GNPTAB: variants seen among roughly 807,000 people sequenced by gnomAD.
GNPTAB encodes the protein N-acetylglucosamine-1-phosphate transferase subunits alpha and beta, also known as N-acetylglucosamine-1-phosphotransferase subunits alpha/beta.
In GNPTAB, 92 loss-of-function variants were observed where a neutral mutation model predicts 136.6. The ratio of observed to expected loss-of-function variants is 0.67; its 90% confidence interval spans 0.57 to 0.80. GNPTAB has a LOEUF of 0.80. Among genes scored for constraint, GNPTAB ranks in the 30% least tolerant of loss-of-function variants. GNPTAB has a pLI of 0.00. For missense variants in GNPTAB, 1,343 were observed against 1,501.8 expected, an observed-to-expected ratio of 0.89 and a Z score of 1.75; for synonymous variants, 512 against 535.1, an observed-to-expected ratio of 0.96 and a Z score of 0.60.
At chr12:101,766,780 G>C (rs993192542) in intron 11 of GNPTAB, among the ~76,000 whole-genome samples, 1 of 152,144 alleles carries the variant, frequency 6.6e-6, no homozygotes, top group African/African-American at 2.4e-5. Context: ...AACGTAAAAG[G>C]GAGTCACTTG....
chr12:101,830,788 C>G lies in GNPTAB; in HGVS notation c.-113G>C. 2.0e-6 allele frequency: 1 copy of G among 493,948 alleles called. No individual in the cohort carries two copies. Among genetic ancestry groups the G allele is most frequent in the South Asian group, 2.5e-5 (1 of 40,084 alleles). 30.6% of individuals were successfully genotyped at this position (493,948 alleles called of 1,614,324 possible). On this transcript the variant is annotated 5_prime_UTR_variant, in exon 1 of 21. Transcript: ENST00000299314. ...CGGTCGGGCCGCCGCGCGCAGGTCACAGCCTCCGGGCGCCGCTCATTGCAG... is the reference window on the plus strand; with the variant it reads ...CGGTCGGGCCGCCGCGCGCAGGTCAGAGCCTCCGGGCGCCGCTCATTGCAG...
chr12:101,770,706 G>A (rs1379201481), intron 8 of GNPTAB, 121 bp from the exon 9 acceptor site: 4 of 772,348 alleles, frequency 5.2e-6, no homozygotes, highest in Non-Finnish European at 6.7e-6. Context: ...TAAAGATGGA[G>A]TCCTAATTTT....
intron 1 of GNPTAB, among the ~76,000 whole-genome samples, chr12:101,805,989 T>C (rs1401414661): frequency 1.3e-5 from 2 of 152,150 alleles, no homozygotes; most frequent in East Asian, 3.8e-4. Flanking sequence ...ATAAATATGA[T>C]AAAGCTATTA....
chr12:101,782,484 C>T (rs1198296208), intron 5 of GNPTAB, among the ~76,000 whole-genome samples: 1 of 152,132 alleles, frequency 6.6e-6, no homozygotes, highest in Non-Finnish European at 1.5e-5. Context: ...GTTGGGTTGA[C>T]CTTCAAAATG....
chr12:101,762,405 T>C (rs1953011434), intron 13 of GNPTAB, among the ~76,000 whole-genome samples: 1 of 152,226 alleles, frequency 6.6e-6, no homozygotes, highest in Non-Finnish European at 1.5e-5. Context: ...GTATACTGTT[T>C]GTGGAAATAT....
At chr12:101,779,371 G>C (rs1009489172) in intron 7 of GNPTAB, 2 of 152,180 alleles carry the variant, frequency 1.3e-5, no homozygotes, top group Admixed American at 6.5e-5. Context: ...AGAATAGCAG[G>C]CATCTTGACG....
intron 1 of GNPTAB, among the ~76,000 whole-genome samples, chr12:101,801,229 C>A: frequency 2.2e-5 from 1 of 45,054 alleles, no homozygotes. Flanking sequence ...GAGACCCTGT[C>A]TCAAAAAAAA....
chr12:101,772,955 T>G (rs112139789), intron 7 of GNPTAB, among the ~76,000 whole-genome samples: 1,719 of 152,294 alleles, frequency 0.011, 35 homozygotes, highest in African/African-American at 0.04. Flanking sequence ...TAGCTGGGAT[T>G]ACAGGCAAGC....
chr12:101,810,396 CATATATATATATATATAT>C (rs55753015), intron 1 of GNPTAB: 1 of 134,196 alleles, frequency 7.5e-6, no homozygotes, highest in South Asian at 2.4e-4. Flanking sequence ...ACTCCAATTT[CATATATATATATATATAT>C]ATATATATAC....
intron 11 of GNPTAB, 118 bp downstream of exon 11, chr12:101,767,919 A>T: frequency 8.8e-7 from 1 of 1,141,850 alleles, no homozygotes; most frequent in Non-Finnish European, 1.3e-6. Flanking sequence ...GCCCAGCATT[A>T]CTGATTCTTT....
At chr12:101,781,964 T>A (rs1052792754) in intron 5 of GNPTAB, among the ~76,000 whole-genome samples, 1 of 152,228 alleles carries the variant, frequency 6.6e-6, no homozygotes, top group Non-Finnish European at 1.5e-5. Context: ...GGGCTAGAAC[T>A]TAACCAATTC....
At chr12:101,792,597 T>C (rs1329783978) in intron 2 of GNPTAB, among the ~76,000 whole-genome samples, 1 of 152,194 alleles carries the variant, frequency 6.6e-6, no homozygotes, top group East Asian at 1.9e-4. Flanking sequence ...GAACATTCTT[T>C]CTTTCATGCT....
chr12:101,749,282 C>T, intron 19 of GNPTAB, 91 bp from the exon 20 acceptor site: 1 of 804,872 alleles, frequency 1.2e-6, no homozygotes, highest in Non-Finnish European at 2.2e-6. Flanking sequence ...TCTATAAAAA[C>T]AATGTTGGGA....
chr12:101,786,030 AAAC>A lies in GNPTAB; in HGVS notation c.550_552del (p.Val184del), dbSNP rs771857895. 2.5e-6 allele frequency: 4 copies of A among 1,613,288 alleles called. No homozygotes were observed. The highest frequency in any genetic ancestry group is 2.2e-5 in the East Asian group (1 of 44,862). Reference sequence around the variant, plus strand: ...ATCTTACCATCCTTAGTACTGTCAAAAACAACAACTGAGACATTGGTAGAAGGG... The same window carrying A: ...ATCTTACCATCCTTAGTACTGTCAAAAACAACTGAGACATTGGTAGAAGGG... On this transcript the variant is annotated inframe_deletion, in exon 5 of 21. Transcript: ENST00000299314.
chr12:101,772,142 CTTTATCTG>C (rs1953186449), intron 7 of GNPTAB, among the ~76,000 whole-genome samples: 1 of 152,212 alleles, frequency 6.6e-6, no homozygotes, highest in African/African-American at 2.4e-5. Flanking sequence ...CCACACCACT[CTTTATCTG>C]TTTTCTGTTC....
intron 20 of GNPTAB, among the ~76,000 whole-genome samples, chr12:101,747,494 A>G (rs1314056335): frequency 6.6e-6 from 1 of 152,190 alleles, no homozygotes; most frequent in African/African-American, 2.4e-5. Context: ...ATTTCGGCCC[A>G]TGCTTCATTT....
At chr12:101,788,488 A>G (rs940178477) in intron 4 of GNPTAB, 60 bp downstream of exon 4, 1 of 979,396 alleles carries the variant, frequency 1.0e-6, no homozygotes, top group African/African-American at 1.6e-5. Context: ...ACAAATGATA[A>G]TCTGAAATTT....
At chr12:101,751,961 T>C (rs1336426105) in intron 19 of GNPTAB, among the ~76,000 whole-genome samples, 1 of 150,716 alleles carries the variant, frequency 6.6e-6, no homozygotes, top group African/African-American at 2.5e-5. Context: ...GTTGTTAGAA[T>C]AGTTAAATGA....
At chr12:101,796,197 C>T (rs118172363) in intron 2 of GNPTAB, 7 of 701,824 alleles carry the variant, frequency 1.0e-5, no homozygotes, top group South Asian at 3.0e-5. Context: ...GCTCAGAAAC[C>T]GCTGTGTAGT....
Sources: gnomAD v4.1 joint callset for allele counts (sites outside exome capture counted in the v4.1 genomes callset) on GRCh38, gnomAD v4.1.1 for gene constraint, MANE v1.5 for transcripts, NCBI Gene and HGNC (gene_info 2026-07-23, HGNC 2026-07-21) for gene names.